Variants in PAWR observed in about 807,000 individuals in gnomAD.
The protein encoded by PAWR is pro-apoptotic WT1 regulator.
Under a neutral mutation model 32.0 loss-of-function variants are expected in PAWR, and 23 were observed. The observed-to-expected ratio is 0.72, with a 90% CI of 0.52 to 1.02. PAWR has a LOEUF of 1.02. Among genes scored for constraint, PAWR ranks in the 50% least tolerant of loss-of-function variants. PAWR has a pLI of 0.00. For missense variants in PAWR, 457 were observed against 437.7 expected, an observed-to-expected ratio of 1.04 and a Z score of -0.39; for synonymous variants, 226 against 187.1, an observed-to-expected ratio of 1.21 and a Z score of -1.70.
At chr12:79,622,579 T>C (rs8176862) in intron 2 of PAWR, among the ~76,000 whole-genome samples, 3,578 of 152,220 alleles carry the variant, frequency 0.024, 138 homozygotes, top group East Asian at 0.18. Context: ...GTCCTTGTGA[T>C]AGTTTGCTCA....
chr12:79,689,780 C>T lies in PAWR; in HGVS notation c.465G>A (p.Lys155=). Residue 155 remains lysine, a synonymous_variant, in exon 2 of 7, where the codon AAG becomes AAA. Coordinates refer to ENST00000328827, the MANE Select transcript of PAWR (RefSeq NM_002583.4). ...RKGKGQIEKR[K]LREKRRSTGV... ...CGGTGGAGCGCCGCTTCTCCCGCAGCTTCCTCTTCTCGATCTGCCCCTTGC... is the reference window on the plus strand; with the variant it reads ...CGGTGGAGCGCCGCTTCTCCCGCAGTTTCCTCTTCTCGATCTGCCCCTTGC... The T allele has an allele frequency of 6.3e-7, 1 of 1,591,976 alleles. No individual in the cohort carries two copies. The highest frequency in any genetic ancestry group is 8.5e-7 in the Non-Finnish European group (1 of 1,170,388).
chr12:79,662,011 C>T (rs1877374873), intron 2 of PAWR, among the ~76,000 whole-genome samples: 1 of 151,932 alleles, frequency 6.6e-6, no homozygotes, highest in Non-Finnish European at 1.5e-5. Context: ...TTTCAAAAAG[C>T]TCTATTTCAA....
At chr12:79,665,387 A>G (rs78861809) in intron 2 of PAWR, among the ~76,000 whole-genome samples, 3,357 of 152,272 alleles carry the variant, frequency 0.022, 53 homozygotes, top group Non-Finnish European at 0.036. Flanking sequence ...CCTTCAACTC[A>G]CATCCTTCCC....
At position 79,592,024 on chromosome 12, in the gene PAWR, T is replaced by G. The variant is rs1410518926; in HGVS notation, c.*583A>C. Reference sequence around the variant, plus strand: ...AGCACAATTCAAGTATTCTCTTAAATTTATATTTAGTCAACTAAAACATGA... The same window carrying G: ...AGCACAATTCAAGTATTCTCTTAAAGTTATATTTAGTCAACTAAAACATGA... On this transcript the variant is annotated 3_prime_UTR_variant, in exon 7 of 7. Coordinates refer to ENST00000328827, the MANE Select transcript of PAWR (RefSeq NM_002583.4). 1 of 152,594 alleles carries G rather than the reference T, an allele frequency of 6.6e-6. No homozygotes were observed. The allele number at this position is 152,594 out of a possible 1,614,324, so 9.5% of individuals were successfully genotyped here.
chr12:79,621,283 T>G, intron 2 of PAWR, 76 bp from the exon 3 acceptor site: 1 of 1,099,130 alleles, frequency 9.1e-7, no homozygotes, highest in Admixed American at 2.3e-5. Flanking sequence ...AATATATTGA[T>G]AGTATTAAAG....
chr12:79,655,644 T>C (rs1181516464), intron 2 of PAWR, among the ~76,000 whole-genome samples: 2 of 152,238 alleles, frequency 1.3e-5, no homozygotes, highest in African/African-American at 2.4e-5. Context: ...AGGCCTCAGA[T>C]ACTACATTTC....
chr12:79,670,292 C>T (rs1347564872), intron 2 of PAWR, among the ~76,000 whole-genome samples: 1 of 152,046 alleles, frequency 6.6e-6, no homozygotes, highest in Non-Finnish European at 1.5e-5. Flanking sequence ...ATAGAAAAGG[C>T]TGGTTGGTTG....
chr12:79,642,966 T>C (rs1233098637), intron 2 of PAWR, among the ~76,000 whole-genome samples: 1 of 152,200 alleles, frequency 6.6e-6, no homozygotes, highest in African/African-American at 2.4e-5. Context: ...TTAATTACTA[T>C]AATAGGAATT....
intron 2 of PAWR, chr12:79,688,588 C>G (rs1202429310): frequency 6.6e-6 from 1 of 151,794 alleles, no homozygotes; most frequent in Non-Finnish European, 1.5e-5. Context: ...GACAGTTTTG[C>G]TGGCTGATAA....
chr12:79,594,828 T>C (rs2136673066), intron 5 of PAWR, among the ~76,000 whole-genome samples: 1 of 152,220 alleles, frequency 6.6e-6, no homozygotes, highest in East Asian at 1.9e-4. Flanking sequence ...GCGATTCTCC[T>C]GCCTCAGCCT....
chr12:79,684,502 T>C (rs895643860), intron 2 of PAWR, among the ~76,000 whole-genome samples: 3 of 151,956 alleles, frequency 2.0e-5, no homozygotes, highest in African/African-American at 4.8e-5. Flanking sequence ...TCCCAGCTAC[T>C]TGGGAGACTG....
chr12:79,602,468 A>G (rs1280107049), intron 4 of PAWR, among the ~76,000 whole-genome samples: 1 of 152,166 alleles, frequency 6.6e-6, no homozygotes, highest in Non-Finnish European at 1.5e-5. Context: ...TATTGTAATC[A>G]CCTATGTAAG....
At chr12:79,601,464 C>CA (rs1277197685) in intron 4 of PAWR, among the ~76,000 whole-genome samples, 2 of 152,040 alleles carry the variant, frequency 1.3e-5, no homozygotes, top group Admixed American at 1.3e-4. Context: ...GTCAGCCACC[C>CA]AAAGTGCTTG....
chr12:79,618,495 G>C (rs960424912), intron 3 of PAWR, among the ~76,000 whole-genome samples: 2 of 152,076 alleles, frequency 1.3e-5, no homozygotes, highest in Admixed American at 1.3e-4. Flanking sequence ...ACATTATTAT[G>C]AACTATAATC....
At chr12:79,666,933 A>G (rs1439794523) in intron 2 of PAWR, among the ~76,000 whole-genome samples, 1 of 152,250 alleles carries the variant, frequency 6.6e-6, no homozygotes, top group Non-Finnish European at 1.5e-5. Context: ...TGGGACCCCA[A>G]AATCACTAAG....
At chr12:79,647,842 G>C (rs1455962348) in intron 2 of PAWR, among the ~76,000 whole-genome samples, 1 of 152,142 alleles carries the variant, frequency 6.6e-6, no homozygotes. Context: ...TTCTAACACA[G>C]CGGTCCCCAA....
chr12:79,593,610 A>C (rs1442743176), intron 6 of PAWR, among the ~76,000 whole-genome samples: 1 of 150,212 alleles, frequency 6.7e-6, no homozygotes, highest in Non-Finnish European at 1.5e-5. Context: ...CAGTGAGCTG[A>C]GATCGCGCCA....
intron 2 of PAWR, among the ~76,000 whole-genome samples, chr12:79,649,839 C>G (rs1411439007): frequency 2.6e-5 from 4 of 152,078 alleles, no homozygotes; most frequent in African/African-American, 9.7e-5. Context: ...ACCTTTCTGA[C>G]AACAGGGACT....
Position 79,585,094 on chromosome 12 carries a change from T to G in PAWR, c.*7513A>C. On this transcript the variant is annotated 3_prime_UTR_variant, in exon 7 of 7. Coordinates refer to ENST00000328827, the MANE Select transcript of PAWR (RefSeq NM_002583.4). ...GGTTATGTCAGGATGCCAATGTCCA[T>G]GCTGAGGCTTCTCCTGATACAATCT... 2.3e-6 allele frequency: 1 copy of G among 437,606 alleles called. No homozygotes were observed. 27.1% of individuals were successfully genotyped at this position (437,606 alleles called of 1,614,324 possible).
Sources: gnomAD v4.1 joint callset for allele counts (sites outside exome capture counted in the v4.1 genomes callset) on GRCh38, gnomAD v4.1.1 for gene constraint, MANE v1.5 for transcripts, NCBI Gene and HGNC (gene_info 2026-07-23, HGNC 2026-07-21) for gene names.